The following C1QTNF3 variants were observed in gnomAD, a reference collection of about 807,000 sequenced individuals.
C1QTNF3 encodes the protein C1q and TNF related 3, also known as complement C1q tumor necrosis factor-related protein 3.
C1QTNF3 carries 26 observed loss-of-function variants against 32.6 expected under a neutral mutation model. The observed-to-expected ratio is 0.80, with a 90% CI of 0.58 to 1.11. The LOEUF (loss-of-function observed/expected upper bound fraction) is 1.11, where lower values mean the gene tolerates loss of function less well. Ranked by LOEUF, C1QTNF3 falls within the 50% of genes least tolerant of loss-of-function variation. C1QTNF3 has a pLI of 0.00. For synonymous variants in C1QTNF3, 155 were observed against 146.0 expected, an observed-to-expected ratio of 1.06 and a Z score of -0.44; for missense variants, 362 against 398.2, an observed-to-expected ratio of 0.91 and a Z score of 0.77.
the C1QTNF3 span, among the ~76,000 whole-genome samples, chr5:34,207,277 T>G: frequency 1.7e-4 from 8 of 48,058 alleles, no homozygotes; most frequent in South Asian, 3.3e-3. Flanking sequence ...AAATTTGAGA[T>G]ATATATATAT....
At chr5:34,064,913 A>G in the C1QTNF3 span, among the ~76,000 whole-genome samples, 1 of 152,264 alleles carries the variant, frequency 6.6e-6, no homozygotes, top group African/African-American at 2.4e-5. Context: ...AATGTTAATC[A>G]CATTGAGGAT....
chr5:34,156,038 C>T, the C1QTNF3 span, among the ~76,000 whole-genome samples: 1 of 152,128 alleles, frequency 6.6e-6, no homozygotes. Flanking sequence ...TCGACTACAC[C>T]ATGAGGAGTT....
At chr5:34,221,243 C>T in the C1QTNF3 span, among the ~76,000 whole-genome samples, 3 of 151,974 alleles carry the variant, frequency 2.0e-5, no homozygotes, top group African/African-American at 7.3e-5. Context: ...CTATATTTAT[C>T]TATACATAAA....
chr5:34,047,486 C>A (rs1353630973), upstream of C1QTNF3, among the ~76,000 whole-genome samples: 1 of 152,174 alleles, frequency 6.6e-6, no homozygotes, highest in Non-Finnish European at 1.5e-5. Context: ...AAGGGACAGT[C>A]AAGAACTGTG....
chr5:34,221,401 A>T, the C1QTNF3 span, among the ~76,000 whole-genome samples: 1 of 152,036 alleles, frequency 6.6e-6, no homozygotes, highest in Non-Finnish European at 1.5e-5. Flanking sequence ...ATTCTGGTTG[A>T]TGTATAAGTT....
the C1QTNF3 span, among the ~76,000 whole-genome samples, chr5:34,104,044 C>A: frequency 1.5e-5 from 2 of 135,558 alleles, no homozygotes; most frequent in Non-Finnish European, 3.1e-5. Flanking sequence ...ACTCCATCCA[C>A]TATTGTGATA....
At chr5:34,033,234 T>C in intron 3 of C1QTNF3, 70 bp downstream of exon 3, 2 of 1,545,786 alleles carry the variant, frequency 1.3e-6, no homozygotes, top group Non-Finnish European at 1.8e-6. Context: ...CGCTCGAACA[T>C]CCTGATTCCT....
At chr5:34,140,729 G>A in the C1QTNF3 span, among the ~76,000 whole-genome samples, 2 of 152,208 alleles carry the variant, frequency 1.3e-5, no homozygotes, top group Non-Finnish European at 2.9e-5. Flanking sequence ...GGGTATCAGC[G>A]AATGTGCTTT....
At chr5:34,142,214 C>A in the C1QTNF3 span, among the ~76,000 whole-genome samples, 1 of 152,258 alleles carries the variant, frequency 6.6e-6, no homozygotes, top group African/African-American at 2.4e-5. Context: ...GGCAGATCAC[C>A]TGAGGTCAGG....
chr5:34,203,182 C>G, the C1QTNF3 span, among the ~76,000 whole-genome samples: 5 of 152,056 alleles, frequency 3.3e-5, no homozygotes, highest in Non-Finnish European at 7.4e-5. Context: ...CAAAGTAGGA[C>G]GAGAAATCAA....
the C1QTNF3 span, among the ~76,000 whole-genome samples, chr5:34,156,707 G>C: frequency 1.3e-5 from 2 of 152,056 alleles, no homozygotes; most frequent in African/African-American, 4.8e-5. Context: ...ATGTTGTGGG[G>C]GGAAATTATT....
chr5:34,161,128 G>C, the C1QTNF3 span, among the ~76,000 whole-genome samples: 2 of 152,154 alleles, frequency 1.3e-5, no homozygotes, highest in African/African-American at 4.8e-5. Context: ...TATCTAGGTA[G>C]GGCACTGTCC....
chr5:34,076,210 C>T, the C1QTNF3 span, among the ~76,000 whole-genome samples: 1 of 151,412 alleles, frequency 6.6e-6, no homozygotes, highest in Non-Finnish European at 1.5e-5. Flanking sequence ...GATGCTCACA[C>T]AACAATGTGA....
the C1QTNF3 span, among the ~76,000 whole-genome samples, chr5:34,107,754 G>T: frequency 6.6e-6 from 1 of 151,896 alleles, no homozygotes; most frequent in Non-Finnish European, 1.5e-5. Flanking sequence ...TTCCTCTGCT[G>T]GTTTATTGCC....
the C1QTNF3 span, among the ~76,000 whole-genome samples, chr5:34,064,631 CGG>C: frequency 3.3e-5 from 5 of 152,120 alleles, no homozygotes; most frequent in Admixed American, 3.3e-4. Context: ...GACACACTGC[CGG>C]ATCTGGAGGG....
chr5:34,055,487 T>C, the C1QTNF3 span, among the ~76,000 whole-genome samples: 2 of 152,228 alleles, frequency 1.3e-5, no homozygotes, highest in African/African-American at 4.8e-5. Context: ...GACCTCTGTG[T>C]GAAACATCCA....
the C1QTNF3 span, among the ~76,000 whole-genome samples, chr5:34,059,250 G>T: frequency 6.6e-6 from 1 of 151,998 alleles, no homozygotes; most frequent in Non-Finnish European, 1.5e-5. Context: ...CTACATGGTC[G>T]TCCATGTGTG....
At chr5:34,240,100 C>T in the C1QTNF3 span, among the ~76,000 whole-genome samples, 4 of 150,710 alleles carry the variant, frequency 2.7e-5, no homozygotes, top group East Asian at 7.8e-4. Flanking sequence ...AAAATGGGAA[C>T]ACAAATTACC....
At chr5:34,091,218 C>G in the C1QTNF3 span, among the ~76,000 whole-genome samples, 1 of 152,240 alleles carries the variant, frequency 6.6e-6, no homozygotes, top group Non-Finnish European at 1.5e-5. Context: ...ACATGCTGAC[C>G]TGTTGCAGAC....
Sources: allele counts gnomAD v4.1 joint callset (sites outside exome capture counted in the v4.1 genomes callset), GRCh38; gene constraint gnomAD v4.1.1; transcripts MANE v1.5; gene names NCBI Gene and HGNC (gene_info 2026-07-23, HGNC 2026-07-21).